HDX: variants seen among roughly 807,000 people sequenced by gnomAD.
HDX encodes the protein highly divergent homeobox, also known as chromosome X open reading frame 43.
HDX carries 19 observed loss-of-function variants against 45.2 expected under a neutral mutation model. The observed-to-expected ratio is 0.42, with a 90% CI of 0.29 to 0.62. The LOEUF (loss-of-function observed/expected upper bound fraction) is 0.62, where lower values mean the gene tolerates loss of function less well. Ranked by LOEUF, HDX falls within the 20% of genes least tolerant of loss-of-function variation. The pLI is 0.20. For synonymous variants in HDX, 188 were observed against 172.8 expected, an observed-to-expected ratio of 1.09 and a Z score of -0.69; for missense variants, 532 against 493.9, an observed-to-expected ratio of 1.08 and a Z score of -0.73.
chrX:84,471,437 T>TTTTA (rs1437687385), intron 3 of HDX, among the ~76,000 whole-genome samples: 117 of 105,789 alleles, frequency 1.1e-3, no homozygotes, highest in African/African-American at 3.9e-3. Context: ...ATTTTATATA[T>TTTTA]TATATATATA....
intron 4 of HDX, 88 bp downstream of exon 4, chrX:84,468,384 A>G: frequency 5.5e-6 from 3 of 546,083 alleles, no homozygotes; most frequent in Non-Finnish European, 8.4e-6. Context: ...ACATTACTTC[A>G]ATATATGAGT....
chrX:84,440,533 G>A lies in HDX; in HGVS notation c.1304C>T (p.Ala435Val). ...PWITGCSRKR[A>V]LQDRTQFSDR... ...TGCTTTAAATGAAAGATTACTTACTGCTCTTTTTCTAGAACACCCTGTAAT... is the reference window on the plus strand; with the variant it reads ...TGCTTTAAATGAAAGATTACTTACTACTCTTTTTCTAGAACACCCTGTAAT... Residue 435 changes from alanine to valine, a missense_variant and splice_region_variant, in exon 5 of 11, where the codon GCA becomes GTA. Around this residue, in one of 3 missense-constraint regions of HDX, gnomAD observed 376 missense variants for 343.7 expected, o/e 1.09. Coordinates refer to ENST00000373177, the MANE Select transcript of HDX (RefSeq NM_001177479.2). 1 of 1,165,623 alleles carries A rather than the reference G, an allele frequency of 8.6e-7. No homozygotes were observed. The highest frequency in any genetic ancestry group is 1.2e-6 in the Non-Finnish European group (1 of 856,453).
intron 6 of HDX, among the ~76,000 whole-genome samples, chrX:84,359,731 C>A (rs1313008975): frequency 9.0e-6 from 1 of 111,264 alleles, no homozygotes; most frequent in Non-Finnish European, 1.9e-5. Flanking sequence ...CTGGGTCAAA[C>A]GGTATTTCCG....
chrX:84,459,612 A>G (rs1004031016), intron 4 of HDX, among the ~76,000 whole-genome samples: 11 of 110,767 alleles, frequency 9.9e-5, no homozygotes, highest in African/African-American at 3.6e-4. Context: ...ATTTAGATAG[A>G]CAACTAAAGA....
chrX:84,384,993 T>C (rs868854832), intron 5 of HDX, among the ~76,000 whole-genome samples: 15 of 110,088 alleles, frequency 1.4e-4, no homozygotes, highest in African/African-American at 4.6e-4. Context: ...TTCTTAGATT[T>C]GCCCTTGGCT....
intron 5 of HDX, among the ~76,000 whole-genome samples, chrX:84,390,034 T>G (rs761228762): frequency 2.3e-4 from 25 of 110,634 alleles, no homozygotes; most frequent in Non-Finnish European, 3.2e-4. Context: ...GCTTCCTCCC[T>G]CTTCAGCCTA....
intron 5 of HDX, among the ~76,000 whole-genome samples, chrX:84,373,955 G>A (rs1424750904): frequency 1.2e-5 from 1 of 81,291 alleles, no homozygotes; most frequent in African/African-American, 5.4e-5. Flanking sequence ...ATTAGGAAAA[G>A]AGGAAGTCAA....
intron 5 of HDX, among the ~76,000 whole-genome samples, chrX:84,407,622 T>C (rs1164377642): frequency 9.0e-6 from 1 of 111,717 alleles, no homozygotes; most frequent in Non-Finnish European, 1.9e-5. Flanking sequence ...TTAAGTTCTT[T>C]GAGAAATCAT....
intron 5 of HDX, among the ~76,000 whole-genome samples, chrX:84,375,320 A>T (rs1489467223): frequency 9.9e-5 from 11 of 110,797 alleles, no homozygotes; most frequent in South Asian, 3.9e-4. Context: ...GTTCAACCAT[A>T]GTGGAAGTCA....
intron 2 of HDX, among the ~76,000 whole-genome samples, chrX:84,484,995 C>T (rs1209104553): frequency 1.8e-5 from 2 of 111,301 alleles, no homozygotes; most frequent in Non-Finnish European, 3.8e-5. Context: ...TCATTCAGTT[C>T]AAAATATTTT....
chrX:84,365,286 C>T (rs1039559607), intron 5 of HDX, among the ~76,000 whole-genome samples: 2 of 111,345 alleles, frequency 1.8e-5, no homozygotes, highest in Non-Finnish European at 3.8e-5. Flanking sequence ...GTGTTTTGAT[C>T]ACCTCCTCTG....
intron 4 of HDX, among the ~76,000 whole-genome samples, chrX:84,456,330 G>A (rs754794405): frequency 9.0e-6 from 1 of 110,596 alleles, no homozygotes; most frequent in African/African-American, 3.3e-5. Context: ...TCAAATAATG[G>A]GATATAAGAT....
At chrX:84,486,918 T>C (rs947259273) in intron 2 of HDX, among the ~76,000 whole-genome samples, 1 of 111,837 alleles carries the variant, frequency 8.9e-6, no homozygotes, top group Non-Finnish European at 1.9e-5. Context: ...TTTCTTCGAA[T>C]ATTTTTTTCT....
At chrX:84,372,126 G>A (rs1260448351) in intron 5 of HDX, among the ~76,000 whole-genome samples, 2 of 111,901 alleles carry the variant, frequency 1.8e-5, no homozygotes, top group East Asian at 2.8e-4. Flanking sequence ...GAGACAGAAA[G>A]AAGTGGGAGT....
intron 4 of HDX, among the ~76,000 whole-genome samples, chrX:84,453,373 C>T (rs182925828): frequency 2.6e-4 from 29 of 111,639 alleles, no homozygotes; most frequent in African/African-American, 9.4e-4. Context: ...CCAACCCCAG[C>T]AGGATCCATG....
intron 2 of HDX, among the ~76,000 whole-genome samples, chrX:84,486,042 T>A (rs770447091): frequency 8.9e-6 from 1 of 112,205 alleles, no homozygotes; most frequent in East Asian, 2.8e-4. Context: ...TTAATGTAAT[T>A]ACTGATATGG....
At chrX:84,402,728 A>G (rs1431300994) in intron 5 of HDX, among the ~76,000 whole-genome samples, 1 of 111,739 alleles carries the variant, frequency 8.9e-6, no homozygotes, top group East Asian at 2.8e-4. Flanking sequence ...TCATATGGTA[A>G]GACTGTTTAA....
chrX:84,457,848 C>T, intron 4 of HDX, among the ~76,000 whole-genome samples: 1 of 111,951 alleles, frequency 8.9e-6, no homozygotes, highest in Non-Finnish European at 1.9e-5. Context: ...ATCACTCGTG[C>T]AAAATGTAAC....
At chrX:84,445,988 T>C (rs1321192654) in intron 4 of HDX, among the ~76,000 whole-genome samples, 2 of 111,568 alleles carry the variant, frequency 1.8e-5, no homozygotes, top group Admixed American at 1.9e-4. Context: ...TTCTAAGATG[T>C]TTCAGAATTA....
Sources: allele counts gnomAD v4.1 joint callset (sites outside exome capture counted in the v4.1 genomes callset), GRCh38; gene constraint gnomAD v4.1.1; regional missense constraint gnomAD v4.1.1; transcripts MANE v1.5; gene names NCBI Gene and HGNC (gene_info 2026-07-23, HGNC 2026-07-21).